SUMF1: variants seen among roughly 807,000 people sequenced by gnomAD.
SUMF1 encodes sulfatase modifying factor 1.
In SUMF1, 48 loss-of-function variants were observed where a neutral mutation model predicts 47.6. The ratio of observed to expected loss-of-function variants is 1.01; its 90% confidence interval spans 0.80 to 1.28. The LOEUF (loss-of-function observed/expected upper bound fraction) is 1.28. SUMF1 is among the 50% of genes most tolerant of loss of function. The pLI is 0.00. For missense variants in SUMF1, 571 were observed against 485.4 expected (o/e 1.18, Z -1.66); for synonymous variants, 230 against 192.1 (o/e 1.20, Z -1.63).
At chr3:4,417,033 T>C (rs1358057828) in intron 6 of SUMF1, 95 bp downstream of exon 6, 1 of 1,114,018 alleles carries the variant, frequency 9.0e-7, no homozygotes, top group Non-Finnish European at 1.4e-6. Flanking sequence ...GAACACCGTG[T>C]GAGTCACAAA....
At chr3:4,264,073 T>A (rs1697140375) in intron 8 of SUMF1, among the ~76,000 whole-genome samples, 2 of 151,980 alleles carry the variant, frequency 1.3e-5, no homozygotes, top group Admixed American at 6.6e-5. Flanking sequence ...AAGAGGAAAA[T>A]GGTTATGATC....
intron 3 of SUMF1, among the ~76,000 whole-genome samples, chr3:4,447,204 AAGG>A (rs940709951): frequency 6.6e-5 from 10 of 152,204 alleles, no homozygotes; most frequent in African/African-American, 1.9e-4. Context: ...TTTAAAAAAA[AAGG>A]AGAATTTATC....
intron 8 of SUMF1, among the ~76,000 whole-genome samples, chr3:4,103,558 C>T (rs550938228): frequency 2.0e-5 from 3 of 152,120 alleles, no homozygotes; most frequent in South Asian, 2.1e-4. Flanking sequence ...TCTCCCTTCT[C>T]GTATTTGTCA....
In SUMF1 at chr3:4,040,371, T is replaced by C. The variant is rs1269519318; in HGVS notation, c.1191+28198A>G. 2.6e-5 allele frequency among the ~76,000 whole-genome samples: 4 copies of C among 152,300 alleles called. No individual in the cohort carries two copies. The East Asian group carries it at 5.8e-4, about 22-fold the overall frequency. On this transcript the variant is annotated intron_variant and NMD_transcript_variant, in intron 9 of 12. Transcript: ENST00000448413. ...ATTTTACAACATACTATGGTCACTCTTCATAATTTATTCTTCCCCATGTCT... is the reference window on the plus strand; with the variant it reads ...ATTTTACAACATACTATGGTCACTCCTCATAATTTATTCTTCCCCATGTCT...
intron 9 of SUMF1, among the ~76,000 whole-genome samples, chr3:4,059,814 C>G (rs1240750270): frequency 6.7e-6 from 1 of 149,236 alleles, no homozygotes; most frequent in East Asian, 1.9e-4. Flanking sequence ...AAAAAAAAAC[C>G]TTGAGCTGAG....
chr3:4,385,846 G>A (rs1416728582), intron 7 of SUMF1, among the ~76,000 whole-genome samples: 2 of 152,106 alleles, frequency 1.3e-5, no homozygotes, highest in East Asian at 1.9e-4. Context: ...TTCTGCCCAC[G>A]GATGTCCAAT....
intron 1 of SUMF1, among the ~76,000 whole-genome samples, chr3:4,456,454 GT>G (rs775343012): frequency 3.4e-4 from 46 of 134,062 alleles, no homozygotes; most frequent in South Asian, 4.7e-4. Flanking sequence ...GTTTTTCTTT[GT>G]TTTTTTTTTT....
At chr3:4,268,242 TG>T (rs987184606) in intron 8 of SUMF1, among the ~76,000 whole-genome samples, 4 of 140,532 alleles carry the variant, frequency 2.8e-5, no homozygotes, top group Admixed American at 1.5e-4. Context: ...GTTGTGGGGT[TG>T]GGGGAGAGGG....
chr3:4,364,639 C>A (rs1303812707), intron 8 of SUMF1, among the ~76,000 whole-genome samples: 3 of 141,628 alleles, frequency 2.1e-5, no homozygotes, highest in East Asian at 2.1e-4. Context: ...GTCTTGCTAG[C>A]GGTCTATCAA....
At chr3:4,382,797 A>G (rs528280408) in intron 7 of SUMF1, among the ~76,000 whole-genome samples, 8 of 128,086 alleles carry the variant, frequency 6.2e-5, no homozygotes, top group African/African-American at 1.8e-4. Context: ...GGAAACCATC[A>G]TTCTCAACAA....
At chr3:4,278,041 A>C (rs1697454537) in intron 8 of SUMF1, among the ~76,000 whole-genome samples, 2 of 152,100 alleles carry the variant, frequency 1.3e-5, no homozygotes, top group Admixed American at 6.6e-5. Context: ...ACAACACAAG[A>C]GAGGAGTTTG....
chr3:4,417,933 T>A, intron 5 of SUMF1, 77 bp downstream of exon 5: 4 of 1,608,782 alleles, frequency 2.5e-6, no homozygotes, highest in Non-Finnish European at 3.4e-6. Flanking sequence ...CAAAGTAAGT[T>A]CCATGGAGTT....
chr3:4,212,849 AC>A (rs1234351703), intron 8 of SUMF1, among the ~76,000 whole-genome samples: 1 of 152,206 alleles, frequency 6.6e-6, no homozygotes, highest in African/African-American at 2.4e-5. Flanking sequence ...AAGCGAGAAG[AC>A]AAAATTAGAG....
intron 8 of SUMF1, among the ~76,000 whole-genome samples, chr3:4,111,643 G>A (rs1338347103): frequency 6.6e-6 from 1 of 151,950 alleles, no homozygotes; most frequent in Non-Finnish European, 1.5e-5. Context: ...GGAGGCTGAG[G>A]CAAGACAATC....
intron 1 of SUMF1, among the ~76,000 whole-genome samples, chr3:4,463,583 A>G (rs1357330380): frequency 1.3e-5 from 2 of 152,288 alleles, no homozygotes; most frequent in African/African-American, 2.4e-5. Context: ...AGCTATGGGA[A>G]CTGAGAGGAT....
intron 8 of SUMF1, among the ~76,000 whole-genome samples, chr3:4,298,251 A>C (rs1472182729): frequency 6.6e-6 from 1 of 152,228 alleles, no homozygotes; most frequent in Non-Finnish European, 1.5e-5. Context: ...TTCCTGGTCA[A>C]TGAAAAGCAG....
chr3:4,303,648 G>A (rs777287432), intron 8 of SUMF1: 4 of 1,431,334 alleles, frequency 2.8e-6, no homozygotes, highest in African/African-American at 1.5e-5. Flanking sequence ...CAGCGCACCC[G>A]TTGGTGCGCG....
chr3:4,106,578 T>C (rs1693163426), intron 8 of SUMF1, among the ~76,000 whole-genome samples: 1 of 152,026 alleles, frequency 6.6e-6, no homozygotes. Context: ...TTTTCCAACG[T>C]AAACAAAGAG....
In SUMF1 at chr3:4,270,385, C is replaced by T. The variant is rs372008110; in HGVS notation, c.1014+105945G>A. 7.2e-5 allele frequency among the ~76,000 whole-genome samples: 11 copies of T among 152,066 alleles called. 2 individuals carry two copies. The highest frequency in any genetic ancestry group is 6.6e-5 in the Admixed American group (1 of 15,252). ...TTTCCCTTCCCTTATTTTCACTTCTCTTCTCTCTTTGCTCTCTCTCTCTTT... is the reference window on the plus strand; with the variant it reads ...TTTCCCTTCCCTTATTTTCACTTCTTTTCTCTCTTTGCTCTCTCTCTCTTT... On this transcript the variant is annotated intron_variant and NMD_transcript_variant, in intron 8 of 12. Transcript: ENST00000448413.
Sources: allele counts gnomAD v4.1 joint callset (sites outside exome capture counted in the v4.1 genomes callset), GRCh38; gene constraint gnomAD v4.1.1; transcripts MANE v1.5; gene names NCBI Gene and HGNC (gene_info 2026-07-23, HGNC 2026-07-21).